Variants in AGBL1 observed in about 807,000 individuals in gnomAD.
AGBL1 encodes cytosolic carboxypeptidase 4.
AGBL1 carries 130 observed loss-of-function variants against 118.9 expected under a neutral mutation model. The ratio of observed to expected loss-of-function variants is 1.09; its 90% CI spans 0.95 to 1.26. The LOEUF is 1.26. Among genes scored for constraint, AGBL1 ranks in the 50% most tolerant of loss-of-function variants. The pLI, the probability that AGBL1 is intolerant of heterozygous loss-of-function variation, is 0.00. For synonymous variants in AGBL1, 555 were observed against 478.9 expected, an observed-to-expected ratio of 1.16 and a Z score of -2.08; for missense variants, 1,584 against 1,298.1, an observed-to-expected ratio of 1.22 and a Z score of -3.38.
At chr15:86,387,525 A>T (rs1324219558) in intron 17 of AGBL1, among the ~76,000 whole-genome samples, 1 of 152,032 alleles carries the variant, frequency 6.6e-6, no homozygotes, top group African/African-American at 2.4e-5. Context: ...AGAAAGGGGG[A>T]TATATGTTTG....
chr15:86,132,786 C>T (rs1235951930), intron 1 of AGBL1, among the ~76,000 whole-genome samples: 1 of 152,202 alleles, frequency 6.6e-6, no homozygotes, highest in East Asian at 1.9e-4. Flanking sequence ...CTGCCCAGAG[C>T]ATGCAATCTC....
At chr15:86,690,557 A>C (rs928964914) in intron 22 of AGBL1, among the ~76,000 whole-genome samples, 3 of 152,160 alleles carry the variant, frequency 2.0e-5, no homozygotes, top group Non-Finnish European at 4.4e-5. Flanking sequence ...CTGCAGAGGT[A>C]GGTTTGAAAA....
At chr15:86,153,180 T>C (rs938706784) in intron 3 of AGBL1, among the ~76,000 whole-genome samples, 4 of 152,208 alleles carry the variant, frequency 2.6e-5, no homozygotes, top group Non-Finnish European at 5.9e-5. Context: ...CAAAGGATTA[T>C]AAATCATGCT....
intron 17 of AGBL1, among the ~76,000 whole-genome samples, chr15:86,395,991 T>A (rs943720127): frequency 3.9e-5 from 6 of 151,916 alleles, no homozygotes; most frequent in Non-Finnish European, 5.9e-5. Context: ...GTATCATGTT[T>A]GTCTTTCCGT....
chr15:86,952,315 T>G (rs2080888173), intron 23 of AGBL1, among the ~76,000 whole-genome samples: 1 of 152,216 alleles, frequency 6.6e-6, no homozygotes, highest in Non-Finnish European at 1.5e-5. Context: ...TTGATTACTT[T>G]ACTTTTCATC....
intron 5 of AGBL1, among the ~76,000 whole-genome samples, chr15:86,219,081 A>C (rs774347010): frequency 7.9e-5 from 12 of 152,206 alleles, no homozygotes; most frequent in Non-Finnish European, 1.2e-4. Flanking sequence ...AGAATATCTG[A>C]CTTCCAAGAG....
chr15:86,603,866 A>G (rs2084533947), intron 21 of AGBL1, among the ~76,000 whole-genome samples: 1 of 152,066 alleles, frequency 6.6e-6, no homozygotes, highest in Middle Eastern at 3.4e-3. Flanking sequence ...TTGTTTTTCT[A>G]CTATAGCCCC....
intron 1 of AGBL1, among the ~76,000 whole-genome samples, chr15:86,139,239 GTCTAGGGA>G (rs747211881): frequency 1.3e-5 from 2 of 152,268 alleles, no homozygotes; most frequent in Non-Finnish European, 2.9e-5. Context: ...CTGGGTAAGT[GTCTAGGGA>G]TCCCTAGGAG....
At chr15:86,847,115 G>A (rs1474808221) in intron 22 of AGBL1, among the ~76,000 whole-genome samples, 1 of 151,870 alleles carries the variant, frequency 6.6e-6, no homozygotes, top group African/African-American at 2.4e-5. Context: ...TTTTTATGTG[G>A]TTCTTTTCAT....
At chr15:86,659,848 G>A (rs1475441656) in intron 21 of AGBL1, among the ~76,000 whole-genome samples, 1 of 152,120 alleles carries the variant, frequency 6.6e-6, no homozygotes, top group Non-Finnish European at 1.5e-5. Context: ...GAGCACTTGG[G>A]CATCAAAGTT....
rs35325465 is a variant in AGBL1 at position 86,323,161 on chromosome 15, A to ATT, written c.2374+27764_2374+27765dup. On this transcript the variant is annotated intron_variant, in intron 17 of 22. Transcript: ENST00000614907. Reference sequence around the variant, plus strand: ...TTTTCTTTCTTAGGCCAGCATAGTGATTTTTTTTTTTTGTATTTTATTGAA... The same window carrying ATT: ...TTTTCTTTCTTAGGCCAGCATAGTGATTTTTTTTTTTTTTGTATTTTATTGAA... Among the ~76,000 whole-genome samples the ATT allele has an allele frequency of 1.6e-3, 235 of 147,694 alleles. 3 individuals carry two copies. The South Asian group carries it at 0.026, about 16-fold the overall frequency.
intron 3 of AGBL1, among the ~76,000 whole-genome samples, chr15:86,149,230 A>T (rs2077073617): frequency 6.6e-6 from 1 of 152,210 alleles, no homozygotes; most frequent in Non-Finnish European, 1.5e-5. Flanking sequence ...TAACGGGCAA[A>T]ATAACCAGCT....
At chr15:86,650,497 A>G (rs1567103310) in intron 21 of AGBL1, among the ~76,000 whole-genome samples, 1 of 152,212 alleles carries the variant, frequency 6.6e-6, no homozygotes, top group Non-Finnish European at 1.5e-5. Flanking sequence ...TGGGCCTCAC[A>G]GATGAATTTC....
At chr15:86,202,392 T>G (rs1335775097) in intron 5 of AGBL1, among the ~76,000 whole-genome samples, 5 of 152,212 alleles carry the variant, frequency 3.3e-5, no homozygotes, top group African/African-American at 9.6e-5. Flanking sequence ...GTCTATTTTT[T>G]TCTCTCTCAA....
intron 18 of AGBL1, among the ~76,000 whole-genome samples, chr15:86,488,753 G>C (rs1332463551): frequency 2.0e-5 from 3 of 151,812 alleles, no homozygotes; most frequent in African/African-American, 7.3e-5. Context: ...TCTCTACCGG[G>C]CCCTTTCCAA....
chr15:86,758,655 A>T (rs980910079), intron 22 of AGBL1, among the ~76,000 whole-genome samples: 1 of 151,946 alleles, frequency 6.6e-6, no homozygotes, highest in Non-Finnish European at 1.5e-5. Context: ...CCAGGTGCCG[A>T]GGACTCACTT....
intron 21 of AGBL1, among the ~76,000 whole-genome samples, chr15:86,640,855 C>T (rs1025282932): frequency 6.6e-6 from 1 of 152,040 alleles, no homozygotes; most frequent in Non-Finnish European, 1.5e-5. Flanking sequence ...TAGAAGATTG[C>T]CTCTCTTATC....
chr15:86,395,338 C>T (rs994121389), intron 17 of AGBL1, among the ~76,000 whole-genome samples: 7 of 151,862 alleles, frequency 4.6e-5, no homozygotes, highest in African/African-American at 1.7e-4. Flanking sequence ...TTCAGAAGAC[C>T]CTCCTCACCG....
At chr15:86,378,717 G>A (rs890827316) in intron 17 of AGBL1, among the ~76,000 whole-genome samples, 1 of 151,950 alleles carries the variant, frequency 6.6e-6, no homozygotes, top group Non-Finnish European at 1.5e-5. Context: ...TTTCACAGCT[G>A]AACAAATTGA....
Sources: allele counts gnomAD v4.1 joint callset (sites outside exome capture counted in the v4.1 genomes callset), GRCh38; gene constraint gnomAD v4.1.1; transcripts MANE v1.5; gene names NCBI Gene and HGNC (gene_info 2026-07-23, HGNC 2026-07-21).